RBM20: variants seen among roughly 807,000 people sequenced by gnomAD.
RBM20 encodes RNA-binding protein 20.
RBM20 carries 51 observed loss-of-function variants against 110.1 expected under a neutral mutation model. The ratio of observed to expected loss-of-function variants is 0.46; its 90% CI spans 0.37 to 0.59. RBM20 has a LOEUF of 0.59. RBM20 is among the 20% of genes least tolerant of loss of function. The pLI is 0.00. For missense variants in RBM20, 1,512 were observed against 1,574.9 expected, an observed-to-expected ratio of 0.96 and a Z score of 0.68; for synonymous variants, 589 against 618.2, an observed-to-expected ratio of 0.95 and a Z score of 0.70.
chr10:110,697,423 T>C (rs1862682139), intron 1 of RBM20, among the ~76,000 whole-genome samples: 1 of 152,274 alleles, frequency 6.6e-6, no homozygotes, highest in African/African-American at 2.4e-5. Context: ...CCTGCATGAC[T>C]GAGGGTGCTT....
intron 1 of RBM20, among the ~76,000 whole-genome samples, chr10:110,684,419 C>CAAAACAAAAG (rs1554889505): frequency 2.0e-5 from 3 of 149,214 alleles, no homozygotes; most frequent in African/African-American, 7.5e-5. Context: ...CAAAACAAAA[C>CAAAACAAAAG]AAAACAAAAG....
At chr10:110,691,876 A>G (rs1195215925) in intron 1 of RBM20, among the ~76,000 whole-genome samples, 1 of 152,090 alleles carries the variant, frequency 6.6e-6, no homozygotes, top group Admixed American at 6.5e-5. Flanking sequence ...CATTCCCCAT[A>G]TGTTTTCTTC....
intron 1 of RBM20, among the ~76,000 whole-genome samples, chr10:110,710,670 G>A (rs1036581007): frequency 3.2e-4 from 48 of 152,326 alleles, no homozygotes; most frequent in African/African-American, 1.1e-3. Flanking sequence ...GCAAATGATG[G>A]GGCTTCCTTT....
intron 1 of RBM20, among the ~76,000 whole-genome samples, chr10:110,708,547 A>G (rs980887223): frequency 6.6e-6 from 1 of 152,192 alleles, no homozygotes; most frequent in Non-Finnish European, 1.5e-5. Context: ...CGTAGGTTCT[A>G]TATATTTTTG....
At chr10:110,654,496 C>T (rs1861993482) in intron 1 of RBM20, among the ~76,000 whole-genome samples, 1 of 152,004 alleles carries the variant, frequency 6.6e-6, no homozygotes, top group East Asian at 1.9e-4. Context: ...TTTTGGGTAT[C>T]CTCTTGAAGT....
Position 110,789,424 on chromosome 10 carries a change from T to TC in RBM20, c.1527+4535_1527+4536insC, listed in dbSNP as rs71488214. Among the ~76,000 whole-genome samples, 204 of 151,708 alleles carry TC rather than the reference T, an allele frequency of 1.3e-3. 1 individual carries two copies. In the East Asian group the frequency reaches 0.023, roughly 17 times the overall value. Reference sequence around the variant, plus strand: ...ATTTATTTTTGTTTAGGTTTTTTTTTTCTCATTTTCTTTTCTTTTCCTTTT... The same window carrying TC: ...ATTTATTTTTGTTTAGGTTTTTTTTTCTCTCATTTTCTTTTCTTTTCCTTTT... On this transcript the variant is annotated intron_variant, in intron 5 of 13. Transcript: ENST00000369519.
chr10:110,831,270 G>C lies in RBM20; in HGVS notation c.3573+88G>C. 2.1e-6 allele frequency: 3 copies of C among 1,438,678 alleles called. 1 individual carries two copies. In the South Asian group the frequency reaches 3.9e-5, roughly 19 times the overall value. The allele number at this position is 1,438,678 out of a possible 1,614,324, so 89.1% of individuals were successfully genotyped here. A position where few individuals can be genotyped will look rare whatever the true frequency, so the allele number is the denominator to read the frequency against. ...GTGTCTGGCGTCCTTGGCCTTGCTT[G>C]CCTCTGAGTCTAGCTCCTACCTGCA... On this transcript the variant is annotated intron_variant, in intron 13 of 13. Transcript: ENST00000369519.
At chr10:110,785,086 C>T (rs1844404505) in intron 5 of RBM20, among the ~76,000 whole-genome samples, 197 bp downstream of exon 5, 1 of 152,178 alleles carries the variant, frequency 6.6e-6, no homozygotes, top group African/African-American at 2.4e-5. Flanking sequence ...GGCCAAAGTG[C>T]TAGGATTACA....
intron 1 of RBM20, among the ~76,000 whole-genome samples, chr10:110,740,698 G>C (rs1198122638): frequency 6.6e-6 from 1 of 152,172 alleles, no homozygotes; most frequent in Non-Finnish European, 1.5e-5. Context: ...AAAGTGACTT[G>C]TTTTCTTCTT....
chr10:110,822,469 A>G (rs1684273690), intron 11 of RBM20: 1 of 456,634 alleles, frequency 2.2e-6, no homozygotes, highest in Non-Finnish European at 4.4e-6. Flanking sequence ...ATATTCTCTC[A>G]CTCCATTGGA....
At chr10:110,794,539 G>A (rs1844526277) in intron 5 of RBM20, among the ~76,000 whole-genome samples, 1 of 152,176 alleles carries the variant, frequency 6.6e-6, no homozygotes. Flanking sequence ...GGAGGAACTT[G>A]GCCTTCAGCC....
chr10:110,705,017 A>G (rs1433016480), intron 1 of RBM20, among the ~76,000 whole-genome samples: 1 of 152,220 alleles, frequency 6.6e-6, no homozygotes, highest in East Asian at 1.9e-4. Flanking sequence ...TTTTCTTACA[A>G]GAAGAAAACA....
At chr10:110,818,074 G>A (rs1019544747) in intron 9 of RBM20, among the ~76,000 whole-genome samples, 8 of 151,248 alleles carry the variant, frequency 5.3e-5, no homozygotes, top group African/African-American at 1.9e-4. Flanking sequence ...GAGGTCAGGA[G>A]TTCGAGACCA....
At chr10:110,710,080 A>G (rs996070760) in intron 1 of RBM20, among the ~76,000 whole-genome samples, 2 of 152,182 alleles carry the variant, frequency 1.3e-5, no homozygotes, top group African/African-American at 2.4e-5. Context: ...GAAAGAGTTC[A>G]TGTCTAAAAA....
At chr10:110,790,710 C>A (rs1024113552) in intron 5 of RBM20, among the ~76,000 whole-genome samples, 6 of 152,110 alleles carry the variant, frequency 3.9e-5, no homozygotes, top group Admixed American at 2.6e-4. Context: ...AAATCGATTT[C>A]TAGACATCTT....
At chr10:110,654,092 G>A (rs1307814238) in intron 1 of RBM20, among the ~76,000 whole-genome samples, 1 of 152,202 alleles carries the variant, frequency 6.6e-6, no homozygotes, top group Non-Finnish European at 1.5e-5. Flanking sequence ...GTGATAAGTA[G>A]TAAGTTGTCT....
At chr10:110,807,381 C>T (rs1382103064) in intron 7 of RBM20, among the ~76,000 whole-genome samples, 1 of 152,238 alleles carries the variant, frequency 6.6e-6, no homozygotes, top group East Asian at 1.9e-4. Context: ...TCTAAGCTCA[C>T]TCTAACTGCA....
intron 1 of RBM20, among the ~76,000 whole-genome samples, chr10:110,772,474 T>C (rs566134740): frequency 1.3e-5 from 2 of 152,360 alleles, no homozygotes; most frequent in African/African-American, 4.8e-5. Context: ...AAGATTATAA[T>C]ACTGCATTTT....
intron 7 of RBM20, among the ~76,000 whole-genome samples, chr10:110,804,182 C>A (rs1844667268): frequency 6.6e-6 from 1 of 152,154 alleles, no homozygotes; most frequent in African/African-American, 2.4e-5. Context: ...GGTGCACATT[C>A]CTGAATTGAT....
Sources: gnomAD v4.1 joint callset for allele counts (sites outside exome capture counted in the v4.1 genomes callset) on GRCh38, gnomAD v4.1.1 for gene constraint, MANE v1.5 for transcripts, NCBI Gene and HGNC (gene_info 2026-07-23, HGNC 2026-07-21) for gene names.